Variants in SMIM41 observed in about 807,000 individuals in gnomAD.
SMIM41 encodes the protein small integral membrane protein 41.
chr12:52,088,956 T>C (rs899069520), intron 2 of SMIM41, among the ~76,000 whole-genome samples: 7 of 151,890 alleles, frequency 4.6e-5, no homozygotes, highest in Non-Finnish European at 5.9e-5. Context: ...GCACCGAGTC[T>C]TCAGTGGCCG....
chr12:52,086,580 G>A (rs972818953), intron 2 of SMIM41, among the ~76,000 whole-genome samples: 1 of 152,206 alleles, frequency 6.6e-6, no homozygotes, highest in Non-Finnish European at 1.5e-5. Flanking sequence ...GCTTCTGTGA[G>A]TCCTGCCAAG....
At chr12:52,098,820 A>T (rs1940157751) in intron 2 of SMIM41, among the ~76,000 whole-genome samples, 1 of 149,578 alleles carries the variant, frequency 6.7e-6, no homozygotes, top group Non-Finnish European at 1.5e-5. Context: ...TCAGAGGGGG[A>T]GGGTGTACAT....
intron 2 of SMIM41, among the ~76,000 whole-genome samples, chr12:52,103,467 G>A (rs73097403): frequency 0.053 from 8,005 of 151,876 alleles, 294 homozygotes; most frequent in Non-Finnish European, 0.077. Context: ...AATCCAAAAA[G>A]GATAAACACG....
At chr12:52,100,622 ATTTTTTTTTT>A (rs1173057236) in intron 2 of SMIM41, among the ~76,000 whole-genome samples, 5 of 111,130 alleles carry the variant, frequency 4.5e-5, no homozygotes, top group African/African-American at 1.0e-4. Flanking sequence ...GCGCCCAGCT[ATTTTTTTTTT>A]TTTTTTTTTT....
In SMIM41 at chr12:52,108,013, T is replaced by C. The variant is rs574443917; in HGVS notation, c.*830T>C. On this transcript the variant is annotated 3_prime_UTR_variant, in exon 3 of 3. Coordinates refer to ENST00000546390, the MANE Select transcript of SMIM41 (RefSeq NM_001369216.1). Reference sequence around the variant, plus strand: ...TACTATAAAATTGTTTCCTCCATTCTGAGGGTTTCATCATCAGGTGGGAAG... The same window carrying C: ...TACTATAAAATTGTTTCCTCCATTCCGAGGGTTTCATCATCAGGTGGGAAG... The C allele has an allele frequency of 1.2e-5, 3 of 248,340 alleles. No homozygotes were observed. The Admixed American group carries it at 1.6e-4, about 13-fold the overall frequency. 15.4% of individuals were successfully genotyped at this position (248,340 alleles called of 1,614,324 possible).
At chr12:52,090,275 G>A (rs1037681975) in intron 2 of SMIM41, among the ~76,000 whole-genome samples, 5 of 152,124 alleles carry the variant, frequency 3.3e-5, no homozygotes, top group African/African-American at 9.7e-5. Flanking sequence ...GTTTCACCAT[G>A]TTGGGCAGGC....
At chr12:52,088,944 A>G (rs888877117) in intron 2 of SMIM41, among the ~76,000 whole-genome samples, 1 of 151,854 alleles carries the variant, frequency 6.6e-6, no homozygotes, top group African/African-American at 2.4e-5. Flanking sequence ...CCCCTCTGCC[A>G]GGCACCGAGT....
At chr12:52,082,471 G>T (rs530649709) in intron 1 of SMIM41, among the ~76,000 whole-genome samples, 2 of 152,286 alleles carry the variant, frequency 1.3e-5, no homozygotes, top group Admixed American at 1.3e-4. Context: ...CCTGTGGGAA[G>T]GGACTGAGAT....
At chr12:52,106,346 G>GT (rs752076740) in intron 2 of SMIM41, among the ~76,000 whole-genome samples, 2 of 152,096 alleles carry the variant, frequency 1.3e-5, no homozygotes, top group Non-Finnish European at 1.5e-5. Context: ...GATTCTTTTT[G>GT]TTTTTTGTTT....
chr12:52,082,988 C>A lies in SMIM41; in HGVS notation c.*121-906C>A, dbSNP rs1200405896. Among the ~76,000 whole-genome samples the A allele has an allele frequency of 2.6e-5, 4 of 152,240 alleles. No homozygotes were observed. In the East Asian group the frequency reaches 7.7e-4, roughly 29 times the overall value. The stretch of plus-strand genomic sequence containing the variant: ...GGGAGATACCTGGCTTGTGGTGAGA[C>A]CTCAACCTGGGATCCTTGCACCCAG... On this transcript the variant is annotated intron_variant, in intron 1 of 2. Coordinates refer to ENST00000546390, the MANE Select transcript of SMIM41 (RefSeq NM_001369216.1).
At chr12:52,080,982 C>T (rs1174451351) in intron 1 of SMIM41, among the ~76,000 whole-genome samples, 7 of 152,012 alleles carry the variant, frequency 4.6e-5, no homozygotes, top group South Asian at 2.1e-4. Flanking sequence ...TGGGGGGCCT[C>T]GGGAGCGCTG....
intron 2 of SMIM41, among the ~76,000 whole-genome samples, chr12:52,089,092 C>G (rs907039215): frequency 2.0e-5 from 3 of 151,932 alleles, no homozygotes; most frequent in Non-Finnish European, 4.4e-5. Flanking sequence ...AATTCCCTGC[C>G]CCTGTGCTGC....
chr12:52,107,494 TC>T lies in SMIM41; in HGVS notation c.*313del. On this transcript the variant is annotated 3_prime_UTR_variant, in exon 3 of 3. Transcript: ENST00000546390. ...CCGGCCATGAGCCCTGACTCCCACC[TC>T]CACACCTCCATGTACTTCTTCCTCT... is the stretch of plus-strand genomic sequence containing the variant. 1.3e-6 allele frequency: 1 copy of T among 789,404 alleles called. No homozygotes were observed. Among genetic ancestry groups the T allele is most frequent in the Non-Finnish European group, 2.1e-6 (1 of 466,690 alleles). The allele number at this position is 789,404 out of a possible 1,614,324, so 48.9% of individuals were successfully genotyped here.
At chr12:52,083,019 G>C (rs934746930) in intron 1 of SMIM41, among the ~76,000 whole-genome samples, 1 of 152,160 alleles carries the variant, frequency 6.6e-6, no homozygotes, top group African/African-American at 2.4e-5. Flanking sequence ...CCCAGCTGCT[G>C]CCTCTGAACT....
chr12:52,099,153 A>C (rs1940165393), intron 2 of SMIM41, among the ~76,000 whole-genome samples: 1 of 151,990 alleles, frequency 6.6e-6, no homozygotes, highest in South Asian at 2.1e-4. Context: ...GAGTAATATC[A>C]TCCTGTCGCC....
chr12:52,102,684 C>T (rs1002340585), intron 2 of SMIM41, among the ~76,000 whole-genome samples: 6 of 152,072 alleles, frequency 3.9e-5, no homozygotes, highest in Admixed American at 6.5e-5. Context: ...TGTGATACCA[C>T]ACATTAGGAT....
intron 2 of SMIM41, among the ~76,000 whole-genome samples, chr12:52,099,242 G>A (rs1349133639): frequency 1.3e-4 from 19 of 151,792 alleles, no homozygotes; most frequent in South Asian, 4.2e-4. Context: ...TGTGCCCCCT[G>A]GATGTTAAAA....
chr12:52,105,820 A>G (rs1331613913), intron 2 of SMIM41, among the ~76,000 whole-genome samples: 2 of 152,200 alleles, frequency 1.3e-5, no homozygotes, highest in Non-Finnish European at 2.9e-5. Context: ...ACCATGAAGT[A>G]TAGTATCTGG....
At chr12:52,096,012 G>A (rs1940087021) in intron 2 of SMIM41, among the ~76,000 whole-genome samples, 1 of 152,034 alleles carries the variant, frequency 6.6e-6, no homozygotes, top group Non-Finnish European at 1.5e-5. Flanking sequence ...GATATTGGGA[G>A]TAATATCAGC....
Sources: allele counts gnomAD v4.1 joint callset (sites outside exome capture counted in the v4.1 genomes callset), GRCh38; gene constraint gnomAD v4.1.1; transcripts MANE v1.5; gene names NCBI Gene and HGNC (gene_info 2026-07-23, HGNC 2026-07-21).